The following SLC25A39 variants were observed in gnomAD, a reference collection of about 807,000 sequenced individuals.
SLC25A39 encodes the protein mitochondrial glutathione transporter SLC25A39.
SLC25A39 carries 44 observed loss-of-function variants against 46.6 expected under a neutral mutation model. The ratio of observed to expected loss-of-function variants is 0.94; its 90% CI spans 0.74 to 1.21. The LOEUF (loss-of-function observed/expected upper bound fraction) is 1.21, where lower values mean the gene tolerates loss of function less well. Ranked by LOEUF, SLC25A39 falls within the 50% of genes most tolerant of loss-of-function variation. SLC25A39 has a pLI of 0.00. For missense variants in SLC25A39, 487 were observed against 473.0 expected (o/e 1.03, Z -0.28); for synonymous variants, 218 against 190.6 (o/e 1.14, Z -1.19).
Position 44,319,906 on chromosome 17 carries a change from C to T in SLC25A39, c.*95G>A, listed in dbSNP as rs1450600405. 4 of 1,207,948 alleles carry T rather than the reference C, an allele frequency of 3.3e-6. No individual in the cohort carries two copies. Among genetic ancestry groups the T allele is most frequent in the African/African-American group, 3.0e-5 (2 of 66,832 alleles). 74.8% of individuals were successfully genotyped at this position (1,207,948 alleles called of 1,614,324 possible). Reference sequence around the variant, plus strand: ...GCCGGGAGGGAAGGGAAACAAGCCCCCTCCCTCAGTGCTGAGGAAAAGGCA... The same window carrying T: ...GCCGGGAGGGAAGGGAAACAAGCCCTCTCCCTCAGTGCTGAGGAAAAGGCA... On this transcript the variant is annotated 3_prime_UTR_variant, in exon 12 of 12. Coordinates refer to ENST00000377095, the MANE Select transcript of SLC25A39 (RefSeq NM_001143780.3).
chr17:44,323,074 C>T (rs993215186), intron 3 of SLC25A39, among the ~76,000 whole-genome samples: 3 of 152,172 alleles, frequency 2.0e-5, no homozygotes, highest in Admixed American at 6.5e-5. Context: ...AGGCGCATGC[C>T]ACCAAGCCCG....
Position 44,323,460 on chromosome 17 carries a change from A to ACCCCCCCCCCC in SLC25A39, c.85+17_85+18insGGGGGGGGGGG. ...CCCCATCCCCACCCGCCCCCACCCCACCTCCCCTAGGTCTTACTGAAGAGA... is the reference window on the plus strand; with the variant it reads ...CCCCATCCCCACCCGCCCCCACCCCACCCCCCCCCCCCCTCCCCTAGGTCTTACTGAAGAGA... On this transcript the variant is annotated intron_variant, in intron 2 of 11. Coordinates refer to ENST00000377095, the MANE Select transcript of SLC25A39 (RefSeq NM_001143780.3). 1 of 214,048 alleles carries ACCCCCCCCCCC rather than the reference A, an allele frequency of 4.7e-6. No individual in the cohort carries two copies. The highest frequency in any genetic ancestry group is 1.3e-4 in the East Asian group (1 of 7,428). 13.3% of individuals were successfully genotyped at this position (214,048 alleles called of 1,614,324 possible).
At chr17:44,321,002 C>G (rs1407975483) in intron 8 of SLC25A39, 56 bp downstream of exon 8, 1 of 1,518,486 alleles carries the variant, frequency 6.6e-7, no homozygotes, top group Non-Finnish European at 8.8e-7. Flanking sequence ...GGCTGTAGAC[C>G]CTTTGTGCAT....
In SLC25A39 at chr17:44,320,628, T is replaced by C. The variant is rs778506151; in HGVS notation, c.795A>G (p.Ser265=). Residue 265 remains serine, a synonymous_variant, in exon 9 of 12, where the codon TCA becomes TCG. Transcript: ENST00000377095. ...TCCAGCCCAGTCCACTCACCGTCCC[T>C]GAGATGCCACCAGCCACAAAGCTCA... ...VGMSFVAGGI[S]GTVAAVLTLP... 6.2e-6 allele frequency: 10 copies of C among 1,608,910 alleles called. No individual in the cohort carries two copies. Among genetic ancestry groups the C allele is most frequent in the Non-Finnish European group, 8.5e-6 (10 of 1,175,404 alleles).
chr17:44,321,584 G>A (rs753653181), intron 6 of SLC25A39, 26 bp from the exon 7 acceptor site: 18 of 1,612,632 alleles, frequency 1.1e-5, no homozygotes, highest in Non-Finnish European at 1.4e-5. Context: ...GAGGTTAGCT[G>A]GGACTCCCAA....
In SLC25A39 at chr17:44,321,084, G is replaced by C; in HGVS notation, c.665C>G (p.Thr222Ser). 1 of 1,608,456 alleles carries C rather than the reference G, an allele frequency of 6.2e-7. No homozygotes were observed. Residue 222 changes from threonine to serine, a missense_variant, in exon 8 of 12, where the codon ACT (threonine) becomes AGT (serine). By Grantham distance (58) the Thr-to-Ser change is moderately conservative (BLOSUM62 1). Transcript: ENST00000377095. ...TGAGAAGGGCACATCTCGAAGGGCA[G>C]TGGGGCCCCAGCCCAGCCACAGTGA... ...WRSLWLGWGP[T>S]ALRDVPFSAL...
At chr17:44,323,439 A>AGCCCCCCCCCCCCCCCCCCCCCCC in intron 2 of SLC25A39, 39 bp downstream of exon 2, 1 of 257,092 alleles carries the variant, frequency 3.9e-6, no homozygotes, top group Non-Finnish European at 5.7e-6. Flanking sequence ...GGTCTGCCCC[A>AGCCCCCCCCCCCCCCCCCCCCCCC]TCCCCACCCG....
In SLC25A39 at chr17:44,321,703, G is replaced by A. The variant is rs146901450; in HGVS notation, c.389C>T (p.Thr130Ile). The stretch of plus-strand genomic sequence containing the variant: ...GGTGCAGGACCCGGCTACTCACAGG[G>A]TGGCGGGGAGGCCGCTCCAGAGGGT... ...TRTLWSGLPATLVMTVPATAI... is the reference protein window; with the variant it reads ...TRTLWSGLPAILVMTVPATAI... Residue 130 changes from threonine to isoleucine, a missense_variant, in exon 6 of 12, where the codon ACC (threonine) becomes ATC (isoleucine). Coordinates refer to ENST00000377095, the MANE Select transcript of SLC25A39 (RefSeq NM_001143780.3). 1.9e-4 allele frequency: 301 copies of A among 1,611,846 alleles called. No individual in the cohort carries two copies. Among genetic ancestry groups the A allele is most frequent in the Middle Eastern group, 3.3e-4 (2 of 6,058 alleles).
At chr17:44,320,313 A>G in intron 10 of SLC25A39, 37 bp from the exon 11 acceptor site, 2 of 1,613,468 alleles carry the variant, frequency 1.2e-6, no homozygotes, top group Non-Finnish European at 1.7e-6. Context: ...GACCCCATTC[A>G]GGACCCCACC....
In SLC25A39 at chr17:44,320,414, G is replaced by C. The variant is rs1325592290; in HGVS notation, c.824C>G (p.Pro275Arg). The C allele has an allele frequency of 4.3e-6, 7 of 1,613,492 alleles. No homozygotes were observed. The highest frequency in any genetic ancestry group is 1.3e-5 in the African/African-American group (1 of 74,918). Residue 275 changes from proline to arginine, a missense_variant, in exon 10 of 12, where the codon CCC becomes CGC. Coordinates refer to ENST00000377095, the MANE Select transcript of SLC25A39 (RefSeq NM_001143780.3). ...SGTVAAVLTL[P>R]FDVVKTQRQV... is the part of the protein sequence containing the mutation. ...GCGTTGGGTCTTTACCACGTCAAAG[G>C]GTAGAGTCAGCACTGCAGCCACCTG...
At chr17:44,322,724 G>A (rs1452017599) in intron 4 of SLC25A39, 84 bp downstream of exon 4, 1 of 1,596,958 alleles carries the variant, frequency 6.3e-7, no homozygotes, top group Non-Finnish European at 8.5e-7. Context: ...CATGGCTGTG[G>A]AGCCCACTGG....
rs1181578198 is a variant in SLC25A39, at chr17:44,319,681, C to A, written c.*320G>T. 8.0e-6 allele frequency: 3 copies of A among 376,564 alleles called. No individual in the cohort carries two copies. Among genetic ancestry groups the A allele is most frequent in the Non-Finnish European group, 1.0e-5 (2 of 198,102 alleles). 23.3% of individuals were successfully genotyped at this position (376,564 alleles called of 1,614,324 possible). A position where few individuals can be genotyped will look rare whatever the true frequency, so the allele number is the denominator to read the frequency against. The stretch of plus-strand genomic sequence containing the variant: ...TTAACAAGGGTCAGGGAGACTACAC[C>A]AGGCTGAGGGCTTCTTGGTTCCTGG... On this transcript the variant is annotated 3_prime_UTR_variant, in exon 12 of 12. Transcript: ENST00000377095.
At chr17:44,322,737 C>T in intron 4 of SLC25A39, 71 bp downstream of exon 4, 2 of 1,606,898 alleles carry the variant, frequency 1.2e-6, no homozygotes, top group Non-Finnish European at 1.7e-6. Context: ...CCCACTGGTG[C>T]CCTGGGGACA....
Position 44,321,109 on chromosome 17 carries a change from A to C in SLC25A39, c.640T>G (p.Ser214Ala). Reference sequence around the variant, plus strand: ...GTGGGGCCCCAGCCCAGCCACAGTGAGCGCCAGCCACCCTGAGCCACTGCA... The same window carrying C: ...GTGGGGCCCCAGCCCAGCCACAGTGCGCGCCAGCCACCCTGAGCCACTGCA... ...RTAVAQGGWR[S>A]LWLGWGPTAL... Residue 214 changes from serine (S) to alanine (A), a missense_variant, in exon 8 of 12, where the codon TCA becomes GCA. Ser to Ala is a moderately conservative substitution (Grantham distance 99). Coordinates refer to ENST00000377095, the MANE Select transcript of SLC25A39 (RefSeq NM_001143780.3). 6.2e-7 allele frequency: 1 copy of C among 1,612,212 alleles called. No homozygotes were observed. The highest frequency in any genetic ancestry group is 8.5e-7 in the Non-Finnish European group (1 of 1,179,670).
chr17:44,322,619 T>C (rs2048085440), intron 4 of SLC25A39, 67 bp from the exon 5 acceptor site: 1 of 1,585,110 alleles, frequency 6.3e-7, no homozygotes, highest in African/African-American at 1.3e-5. Context: ...AGTGGGCCCC[T>C]ATCCCTGGAA....
In SLC25A39 at chr17:44,324,803, C is replaced by G. The variant is rs901983903; in HGVS notation, c.-108G>C. The G allele has an allele frequency of 4.6e-5, 7 of 152,050 alleles. No homozygotes were observed. Among genetic ancestry groups the G allele is most frequent in the African/African-American group, 1.7e-4 (7 of 41,428 alleles). The allele number at this position is 152,050 out of a possible 1,614,324, so 9.4% of individuals were successfully genotyped here. On this transcript the variant is annotated 5_prime_UTR_variant, in exon 1 of 12. Transcript: ENST00000377095. ...CCTGTGCGCGGTCCGCGCGCGCTCG[C>G]AGCGCACCTAGGCCGACGCCGAAAG...
At chr17:44,320,528 G>T in intron 9 of SLC25A39, 92 bp from the exon 10 acceptor site, 3 of 1,577,166 alleles carry the variant, frequency 1.9e-6, no homozygotes, top group Non-Finnish European at 1.7e-6. Context: ...AGGGACAAAG[G>T]CCTCATGGGG....
rs183436297 is a variant in SLC25A39 at position 44,321,783 on chromosome 17, C to A, written c.325-16G>T. The A allele has an allele frequency of 1.1e-3, 1,742 of 1,608,070 alleles. 13 individuals are homozygous for A. The highest frequency in any genetic ancestry group is 6.3e-4 in the Non-Finnish European group (737 of 1,176,428). On this transcript the variant is annotated splice_polypyrimidine_tract_variant and intron_variant, in intron 5 of 11. Transcript: ENST00000377095. ...CGAAGGCATCCTGGCCAAGCAGGCA[C>A]CAGCCCAGGGGAAGAGGAGGGACAC...
In SLC25A39 at chr17:44,321,444, C is replaced by T. The variant is rs143746290; in HGVS notation, c.507G>A (p.Ala169=). 287 of 1,612,816 alleles carry T rather than the reference C, an allele frequency of 1.8e-4. No homozygotes were observed. The highest frequency in any genetic ancestry group is 2.2e-4 in the Non-Finnish European group (260 of 1,179,770). The part of the protein sequence containing the change: ...SDLYAPMVAG[A]LARLGTVTVI... ...CAAGACTATGCTCACGGCGGGCCAG[C>T]GCGCCAGCCACCATGGGTGCGTAGA... The change falls in exon 7 of 12, where the codon GCG becomes GCA. Residue 169 remains alanine (A), a synonymous_variant. Transcript: ENST00000377095.
Sources: gnomAD v4.1 joint callset for allele counts (sites outside exome capture counted in the v4.1 genomes callset) on GRCh38, gnomAD v4.1.1 for gene constraint, MANE v1.5 for transcripts, NCBI Gene and HGNC (gene_info 2026-07-23, HGNC 2026-07-21) for gene names.